Variants in CDH4 observed in about 807,000 individuals in gnomAD.
CDH4 encodes the protein cadherin 4.
A neutral mutation model predicts 86.0 loss-of-function variants in CDH4; 33 were observed. The observed-to-expected ratio is 0.38, with a 90% CI of 0.29 to 0.51. The LOEUF (loss-of-function observed/expected upper bound fraction) is 0.51. Ranked by LOEUF, CDH4 falls within the 20% of genes least tolerant of loss-of-function variation. The pLI, the probability that CDH4 is intolerant of heterozygous loss-of-function variation, is 0.86. For synonymous variants in CDH4, 555 were observed against 549.4 expected, an observed-to-expected ratio of 1.01 and a Z score of -0.14; for missense variants, 1,114 against 1,307.4, an observed-to-expected ratio of 0.85 and a Z score of 2.28.
chr20:61,334,931 T>C (rs2084609101), intron 2 of CDH4, among the ~76,000 whole-genome samples: 1 of 152,116 alleles, frequency 6.6e-6, no homozygotes, highest in South Asian at 2.1e-4. Context: ...GAGACCTTCC[T>C]TTTCCCAGGC....
intron 2 of CDH4, among the ~76,000 whole-genome samples, chr20:61,278,966 A>T (rs1370912821): frequency 5.3e-5 from 8 of 152,234 alleles, no homozygotes; most frequent in Admixed American, 5.2e-4. Context: ...CATTATGAGC[A>T]GCTGAAAGTG....
chr20:61,644,691 A>T (rs2087043955), intron 2 of CDH4, among the ~76,000 whole-genome samples: 1 of 152,124 alleles, frequency 6.6e-6, no homozygotes, highest in Admixed American at 6.5e-5. Flanking sequence ...TTCTTCAACA[A>T]CATCAACAAT....
At chr20:61,900,602 A>G (rs1985350373) in intron 8 of CDH4, among the ~76,000 whole-genome samples, 1 of 152,340 alleles carries the variant, frequency 6.6e-6, no homozygotes, top group East Asian at 1.9e-4. Flanking sequence ...GGACAAGCCC[A>G]AGGCAGAGAC....
intron 4 of CDH4, among the ~76,000 whole-genome samples, chr20:61,827,460 AGGATTATT>A (rs1308151025): frequency 5.9e-5 from 9 of 152,260 alleles, no homozygotes; most frequent in African/African-American, 2.2e-4. Flanking sequence ...ATTGAGGACC[AGGATTATT>A]GGTATGGGAG....
intron 2 of CDH4, among the ~76,000 whole-genome samples, chr20:61,452,128 C>T (rs1351715677): frequency 1.3e-5 from 2 of 152,156 alleles, no homozygotes; most frequent in African/African-American, 2.4e-5. Context: ...TGCAGAGTTG[C>T]GCGGCTGGTG....
At chr20:61,270,245 T>C (rs1397038015) in intron 2 of CDH4, among the ~76,000 whole-genome samples, 1 of 152,236 alleles carries the variant, frequency 6.6e-6, no homozygotes, top group Non-Finnish European at 1.5e-5. Context: ...TTACGCCGTA[T>C]CCTATTTAAT....
Position 61,663,416 on chromosome 20 carries a change from A to C in CDH4, c.170-80147A>C, listed in dbSNP as rs2087283608. Among the ~76,000 whole-genome samples, 1 of 152,208 alleles carries C rather than the reference A, an allele frequency of 6.6e-6. No homozygotes were observed. The highest frequency in any genetic ancestry group is 2.4e-5 in the African/African-American group (1 of 41,452). On this transcript the variant is annotated intron_variant, in intron 2 of 15. Coordinates refer to ENST00000614565, the MANE Select transcript of CDH4 (RefSeq NM_001794.5). This position sits in a 1 kb window ranked among gnomAD's most constrained non-coding sequence, Gnocchi z 5.0. ...GGCAGTGTTTGCGCTGAAACCTAGAAAAAGAGCTGCGTAAAAGACAATAAT... is the reference window on the plus strand; with the variant it reads ...GGCAGTGTTTGCGCTGAAACCTAGACAAAGAGCTGCGTAAAAGACAATAAT...
At chr20:61,763,357 C>T (rs545286511) in intron 3 of CDH4, among the ~76,000 whole-genome samples, 32 of 152,346 alleles carry the variant, frequency 2.1e-4, no homozygotes, top group Middle Eastern at 3.4e-3. Flanking sequence ...CCATCTGCAC[C>T]ACGCTGGGGT....
intron 2 of CDH4, among the ~76,000 whole-genome samples, chr20:61,682,449 G>GGGGA (rs537167182): frequency 1.4e-5 from 2 of 146,072 alleles, no homozygotes; most frequent in Admixed American, 6.8e-5. Flanking sequence ...GGTGGGAGAA[G>GGGGA]GGGAGGGAGG....
At chr20:61,867,206 G>C (rs915231901) in intron 6 of CDH4, among the ~76,000 whole-genome samples, 1 of 152,218 alleles carries the variant, frequency 6.6e-6, no homozygotes, top group African/African-American at 2.4e-5. Context: ...CTGACACCCT[G>C]GCTTTGCCAG....
At chr20:61,568,461 G>C (rs1263877743) in intron 2 of CDH4, among the ~76,000 whole-genome samples, 1 of 152,204 alleles carries the variant, frequency 6.6e-6, no homozygotes, top group East Asian at 1.9e-4. Context: ...ATGCTGAACT[G>C]TGAGTCAAAC....
At chr20:61,722,066 GCA>G (rs1474315016) in intron 2 of CDH4, among the ~76,000 whole-genome samples, 2 of 152,186 alleles carry the variant, frequency 1.3e-5, no homozygotes, top group Non-Finnish European at 2.9e-5. Flanking sequence ...AACTGAGATT[GCA>G]CAGAGATTTA....
chr20:61,844,567 C>A lies in CDH4; in HGVS notation c.577-101C>A, dbSNP rs754942922. On this transcript the variant is annotated intron_variant, in intron 4 of 15. Transcript: ENST00000614565. ...GGTCCCCATTGTACCTGAAAATGGT[C>A]GAGCTCGAGGAACTCATGAGAGGGG... 7.8e-6 allele frequency: 9 copies of A among 1,149,692 alleles called. No individual in the cohort carries two copies. In the African/African-American group the frequency reaches 9.3e-5, roughly 12 times the overall value. The allele number at this position is 1,149,692 out of a possible 1,614,324, so 71.2% of individuals were successfully genotyped here.
In CDH4 at chr20:61,856,331, C is replaced by G. The variant is rs1306476719; in HGVS notation, c.877+3433C>G. Reference sequence around the variant, plus strand: ...AGTTCATCTGGGGACATGAGCATGCCAGTACAGGCCCGGGATCCATGAGGG... The same window carrying G: ...AGTTCATCTGGGGACATGAGCATGCGAGTACAGGCCCGGGATCCATGAGGG... On this transcript the variant is annotated intron_variant, in intron 6 of 15. Transcript: ENST00000614565. Among the ~76,000 whole-genome samples, 3 of 152,272 alleles carry G rather than the reference C, an allele frequency of 2.0e-5. No homozygotes were observed. The East Asian group carries it at 5.8e-4, about 29-fold the overall frequency.
intron 4 of CDH4, among the ~76,000 whole-genome samples, chr20:61,778,913 C>A (rs1043472531): frequency 6.6e-6 from 1 of 152,168 alleles, no homozygotes; most frequent in South Asian, 2.1e-4. Context: ...AAGCACCATG[C>A]GGGCACTGGG....
intron 2 of CDH4, among the ~76,000 whole-genome samples, chr20:61,723,503 A>G (rs572350046): frequency 6.7e-4 from 102 of 152,200 alleles, no homozygotes; most frequent in African/African-American, 2.3e-3. Flanking sequence ...GGCCCTGCTG[A>G]GGGACTGGGC....
At chr20:61,585,517 G>T (rs560294053) in intron 2 of CDH4, among the ~76,000 whole-genome samples, 2 of 152,352 alleles carry the variant, frequency 1.3e-5, no homozygotes, top group African/African-American at 4.8e-5. Flanking sequence ...TTTAGAGGAA[G>T]CTTTATCTTT....
chr20:61,714,202 A>G (rs1160076745), intron 2 of CDH4, among the ~76,000 whole-genome samples: 19 of 151,902 alleles, frequency 1.3e-4, no homozygotes, highest in African/African-American at 4.6e-4. Context: ...ATCCGCCACC[A>G]CGCCTGGCTA....
chr20:61,425,944 C>T (rs2085212935), intron 2 of CDH4, among the ~76,000 whole-genome samples: 1 of 152,256 alleles, frequency 6.6e-6, no homozygotes, highest in African/African-American at 2.4e-5. Flanking sequence ...TGCTGATGTC[C>T]TCAGATCATC....
Sources: allele counts gnomAD v4.1 joint callset (sites outside exome capture counted in the v4.1 genomes callset), GRCh38; gene constraint gnomAD v4.1.1; non-coding constraint Gnocchi (gnomAD v3.1); transcripts MANE v1.5; gene names NCBI Gene and HGNC (gene_info 2026-07-23, HGNC 2026-07-21).